Variants in PIWIL3 observed in about 807,000 individuals in gnomAD.
PIWIL3 encodes piwi like RNA-mediated gene silencing 3.
PIWIL3 carries 101 observed loss-of-function variants against 109.7 expected under a neutral mutation model. That is an observed-to-expected ratio of 0.92 (90% confidence interval 0.78 to 1.09). The LOEUF (loss-of-function observed/expected upper bound fraction) is 1.09. Ranked by LOEUF, PIWIL3 falls within the 50% of genes least tolerant of loss-of-function variation. The pLI is 0.00. For missense variants in PIWIL3, 1,031 were observed against 1,072.6 expected, an observed-to-expected ratio of 0.96 and a Z score of 0.54; for synonymous variants, 373 against 376.4, an observed-to-expected ratio of 0.99 and a Z score of 0.10.
At chr22:24,740,234 A>AAAAAAAAAAAAAG (rs1923916259) in intron 12 of PIWIL3, among the ~76,000 whole-genome samples, 3 of 149,406 alleles carry the variant, frequency 2.0e-5, no homozygotes, top group African/African-American at 7.4e-5. Context: ...AAAAAAAAAA[A>AAAAAAAAAAAAAG]TTTCTAAAAG....
In PIWIL3 at chr22:24,728,024, A is replaced by G. The variant is rs1287662444; in HGVS notation, c.1935T>C (p.Asp645=). The change falls in exon 16 of 21, where the codon GAT becomes GAC. Residue 645 remains aspartate (D), a synonymous_variant. Transcript: ENST00000616349. The part of the protein sequence containing the change: ...DVQRTMFVGI[D]CFHDIVNRQK... ...GTCGATTTACGATATCGTGGAAACAATCAATGCCAACGAACATTGTTCTTT... is the reference window on the plus strand; with the variant it reads ...GTCGATTTACGATATCGTGGAAACAGTCAATGCCAACGAACATTGTTCTTT... 5 of 1,613,972 alleles carry G rather than the reference A, an allele frequency of 3.1e-6. No homozygotes were observed. Among genetic ancestry groups the G allele is most frequent in the Non-Finnish European group, 4.2e-6 (5 of 1,180,010 alleles).
intron 3 of PIWIL3, among the ~76,000 whole-genome samples, 196 bp from the exon 4 acceptor site, chr22:24,758,235 G>A (rs899556442): frequency 1.3e-5 from 2 of 152,152 alleles, no homozygotes; most frequent in Admixed American, 6.5e-5. Flanking sequence ...GTTCACATCC[G>A]TGGTTGCCTT....
At chr22:24,763,172 T>TCTTG (rs1339198823) in intron 1 of PIWIL3, among the ~76,000 whole-genome samples, 1 of 145,684 alleles carries the variant, frequency 6.9e-6, no homozygotes, top group Non-Finnish European at 1.5e-5. Flanking sequence ...TGAGAGGGAG[T>TCTTG]CTTGCTCTGT....
At chr22:24,745,122 C>A (rs757945145) in intron 12 of PIWIL3, among the ~76,000 whole-genome samples, 3 of 152,142 alleles carry the variant, frequency 2.0e-5, no homozygotes, top group African/African-American at 4.8e-5. Flanking sequence ...CCTGAATGAC[C>A]ACTGTTCATG....
chr22:24,762,648 T>C (rs947742897), intron 1 of PIWIL3, 127 bp from the exon 2 acceptor site: 2 of 767,266 alleles, frequency 2.6e-6, no homozygotes, highest in African/African-American at 3.6e-5. Flanking sequence ...TGGCTCATCA[T>C]TCTGATGGCT....
chr22:24,768,051 G>A (rs1333061403), intron 1 of PIWIL3, among the ~76,000 whole-genome samples: 2 of 152,154 alleles, frequency 1.3e-5, no homozygotes, highest in African/African-American at 4.8e-5. Flanking sequence ...TGTCAGGTCT[G>A]ATAGACTCTC....
rs1569111689 is a variant in PIWIL3, at chr22:24,762,432, G to T, written c.68C>A (p.Ala23Glu). 6.2e-7 allele frequency: 1 copy of T among 1,613,994 alleles called. No homozygotes were observed. Among genetic ancestry groups the T allele is most frequent in the South Asian group, 1.1e-5 (1 of 91,020 alleles). ...ARRRESYQQEAPGGPRAPGSA... is the reference protein window; with the variant it reads ...ARRRESYQQEEPGGPRAPGSA... Reference sequence around the variant, plus strand: ...TCCAGGTGCTCTGGGTCCCCCAGGTGCCTCTTGTTGGTAGCTCTCCCTGCG... The same window carrying T: ...TCCAGGTGCTCTGGGTCCCCCAGGTTCCTCTTGTTGGTAGCTCTCCCTGCG... The change falls in exon 2 of 21, where the codon GCA (alanine) becomes GAA (glutamate). Residue 23 changes from alanine (A) to glutamate (E), a missense_variant. Transcript: ENST00000616349.
Position 24,728,266 on chromosome 22 carries a change from C to G in PIWIL3, c.1816G>C (p.Glu606Gln), listed in dbSNP as rs1199109011. 6.2e-7 allele frequency: 1 copy of G among 1,614,038 alleles called. No homozygotes were observed. Among genetic ancestry groups the G allele is most frequent in the Non-Finnish European group, 8.5e-7 (1 of 1,180,034 alleles). Reference sequence around the variant, plus strand: ...ACGATGGTCCTTGCCTGGACTTTTTCTAAGGTCTTTTTCACCACACACTGG... The same window carrying G: ...ACGATGGTCCTTGCCTGGACTTTTTGTAAGGTCTTTTTCACCACACACTGG... ...PSQCVVKKTL[E>Q]KVQARTIVTK... The change falls in exon 15 of 21, where the codon GAA becomes CAA. Residue 606 changes from glutamate (E) to glutamine (Q), a missense_variant. Coordinates refer to ENST00000616349, the MANE Select transcript of PIWIL3 (RefSeq NM_001255975.1).
chr22:24,774,058 C>T (rs1389149792), intron 1 of PIWIL3, among the ~76,000 whole-genome samples: 2 of 152,114 alleles, frequency 1.3e-5, no homozygotes, highest in African/African-American at 2.4e-5. Flanking sequence ...TCCACATGCT[C>T]AAATATAAGC....
intron 12 of PIWIL3, among the ~76,000 whole-genome samples, chr22:24,746,124 A>G (rs749993808): frequency 2.0e-5 from 3 of 152,190 alleles, no homozygotes; most frequent in Non-Finnish European, 1.5e-5. Flanking sequence ...AAAACCAAAG[A>G]CACATCAAGA....
intron 14 of PIWIL3, 149 bp downstream of exon 14, chr22:24,733,935 T>C (rs762937584): frequency 1.4e-6 from 1 of 726,396 alleles, no homozygotes; most frequent in Non-Finnish European, 2.0e-6. Flanking sequence ...AGCTAAACCA[T>C]GAAAGTTTGT....
chr22:24,755,911 AT>A lies in PIWIL3; in HGVS notation c.571-7del. ...GTGCTCAACCATTCCACTCTCTGAG[AT>A]TAAAAAAAAACAAAAAAAAAAGTCC... On this transcript the variant is annotated splice_region_variant and splice_polypyrimidine_tract_variant and intron_variant, in intron 5 of 20. Coordinates refer to ENST00000616349, the MANE Select transcript of PIWIL3 (RefSeq NM_001255975.1). 6.3e-7 allele frequency: 1 copy of A among 1,586,204 alleles called. No individual in the cohort carries two copies. Among genetic ancestry groups the A allele is most frequent in the Admixed American group, 1.9e-5 (1 of 53,212 alleles).
At position 24,723,123 on chromosome 22, in the gene PIWIL3, G is replaced by A; in HGVS notation, c.2357+7C>T. The A allele has an allele frequency of 6.2e-7, 1 of 1,612,438 alleles. No homozygotes were observed. The highest frequency in any genetic ancestry group is 8.5e-7 in the Non-Finnish European group (1 of 1,178,802). ...AGAACCATGTGCAAAAAATACAGGT[G>A]GCTTACCATTCATTCCTAGTCAACT... On this transcript the variant is annotated splice_region_variant and intron_variant, in intron 19 of 20. Coordinates refer to ENST00000616349, the MANE Select transcript of PIWIL3 (RefSeq NM_001255975.1).
At chr22:24,751,642 A>C in intron 8 of PIWIL3, 144 bp from the exon 9 acceptor site, 1 of 1,365,066 alleles carries the variant, frequency 7.3e-7, no homozygotes, top group Non-Finnish European at 9.6e-7. Context: ...TGTACAACTC[A>C]CCCATCTGAG....
At chr22:24,749,893 G>C (rs1201032935) in intron 9 of PIWIL3, 74 bp from the exon 10 acceptor site, 2 of 1,604,612 alleles carry the variant, frequency 1.2e-6, no homozygotes, top group African/African-American at 2.7e-5. Flanking sequence ...GTTCAAAAGT[G>C]CATGTGTGGG....
At chr22:24,754,325 G>T in intron 7 of PIWIL3, 108 bp from the exon 8 acceptor site, 1 of 825,850 alleles carries the variant, frequency 1.2e-6, no homozygotes, top group Admixed American at 3.0e-5. Flanking sequence ...TCAGTTTTAA[G>T]TATTTATTCT....
At chr22:24,754,350 A>G in intron 7 of PIWIL3, 133 bp from the exon 8 acceptor site, 2 of 683,790 alleles carry the variant, frequency 2.9e-6, no homozygotes, top group South Asian at 4.1e-5. Flanking sequence ...CTTTTGAAGG[A>G]CCTTCAGATA....
chr22:24,764,086 C>G (rs1925634150), intron 1 of PIWIL3, among the ~76,000 whole-genome samples: 1 of 152,220 alleles, frequency 6.6e-6, no homozygotes, highest in Non-Finnish European at 1.5e-5. Flanking sequence ...CACGGACCAG[C>G]CCAGCCTCCC....
chr22:24,728,715 A>T (rs1569097546), intron 14 of PIWIL3, among the ~76,000 whole-genome samples: 1 of 152,228 alleles, frequency 6.6e-6, no homozygotes, highest in Non-Finnish European at 1.5e-5. Context: ...ATTATAGTTA[A>T]CATTGTTATA....
Sources: allele counts gnomAD v4.1 joint callset (sites outside exome capture counted in the v4.1 genomes callset), GRCh38; gene constraint gnomAD v4.1.1; transcripts MANE v1.5; gene names NCBI Gene and HGNC (gene_info 2026-07-23, HGNC 2026-07-21).